Variants in INTU observed in about 807,000 individuals in gnomAD.
INTU encodes protein inturned.
Under a neutral mutation model 100.5 loss-of-function variants are expected in INTU, and 68 were observed. That is an observed-to-expected ratio of 0.68 (90% confidence interval 0.56 to 0.83). The LOEUF (loss-of-function observed/expected upper bound fraction) is 0.83, where lower values mean the gene tolerates loss of function less well. INTU is among the 40% of genes least tolerant of loss of function. The pLI, the probability that INTU is intolerant of heterozygous loss-of-function variation, is 0.00. For missense variants in INTU, 1,071 were observed against 1,114.7 expected (o/e 0.96, Z 0.56); for synonymous variants, 357 against 395.7 (o/e 0.90, Z 1.16).
chr4:127,655,016 G>T (rs952461410), intron 2 of INTU, among the ~76,000 whole-genome samples: 3 of 151,246 alleles, frequency 2.0e-5, no homozygotes, highest in Admixed American at 1.3e-4. Flanking sequence ...TGATTGCATC[G>T]GCTCCTGAGG....
intron 9 of INTU, among the ~76,000 whole-genome samples, chr4:127,702,042 A>T (rs1310539215): frequency 6.6e-6 from 1 of 152,214 alleles, no homozygotes; most frequent in East Asian, 1.9e-4. Context: ...GATCTAAAGT[A>T]TTAAAATATC....
intron 3 of INTU, among the ~76,000 whole-genome samples, chr4:127,659,648 G>A (rs779358563): frequency 2.4e-4 from 37 of 152,250 alleles, no homozygotes; most frequent in African/African-American, 8.2e-4. Context: ...GTAGTACATC[G>A]TCTCTTCCCG....
chr4:127,641,413 A>G (rs1357570362), intron 1 of INTU, among the ~76,000 whole-genome samples: 2 of 152,126 alleles, frequency 1.3e-5, no homozygotes, highest in Non-Finnish European at 2.9e-5. Context: ...TTGTCCGTCT[A>G]GGCCATGGGG....
At chr4:127,661,340 T>C (rs992240933) in intron 3 of INTU, among the ~76,000 whole-genome samples, 2 of 152,218 alleles carry the variant, frequency 1.3e-5, no homozygotes, top group African/African-American at 4.8e-5. Flanking sequence ...AGTCTATTTT[T>C]GGTAGACTTA....
At chr4:127,701,472 A>G (rs1422967798) in intron 9 of INTU, among the ~76,000 whole-genome samples, 3 of 152,188 alleles carry the variant, frequency 2.0e-5, no homozygotes, top group African/African-American at 7.2e-5. Flanking sequence ...CATTCAAGGA[A>G]AGTAAACACT....
chr4:127,687,987 A>G, intron 8 of INTU, 120 bp downstream of exon 8: 1 of 654,162 alleles, frequency 1.5e-6, no homozygotes, highest in East Asian at 3.1e-5. Flanking sequence ...TTAAAGAGGC[A>G]ATTGGTTGAC....
chr4:127,679,113 G>A (rs1729383166), intron 6 of INTU, among the ~76,000 whole-genome samples: 1 of 151,662 alleles, frequency 6.6e-6, no homozygotes, highest in Non-Finnish European at 1.5e-5. Flanking sequence ...CAAGTCCTGA[G>A]TGACCTACAA....
intron 2 of INTU, among the ~76,000 whole-genome samples, chr4:127,655,738 T>C (rs1441967760): frequency 6.6e-6 from 1 of 152,196 alleles, no homozygotes; most frequent in Non-Finnish European, 1.5e-5. Flanking sequence ...CCTTGAGCTG[T>C]GGTGGGCTCC....
chr4:127,650,941 T>A (rs549043374), intron 2 of INTU, among the ~76,000 whole-genome samples: 76 of 152,318 alleles, frequency 5.0e-4, no homozygotes, highest in South Asian at 2.9e-3. Flanking sequence ...TATCTCATTG[T>A]GGTTTTGATT....
chr4:127,655,065 T>C (rs1281620812), intron 2 of INTU, among the ~76,000 whole-genome samples: 3 of 152,230 alleles, frequency 2.0e-5, no homozygotes, highest in Admixed American at 6.5e-5. Flanking sequence ...CCTTGGTTTT[T>C]AGCTCCATCA....
intron 4 of INTU, among the ~76,000 whole-genome samples, chr4:127,664,910 G>A (rs1042953934): frequency 4.9e-4 from 74 of 151,630 alleles, no homozygotes; most frequent in African/African-American, 1.5e-3. Context: ...TGCTTTTTCT[G>A]TGATATTTTT....
At chr4:127,695,462 C>T (rs547396808) in intron 8 of INTU, among the ~76,000 whole-genome samples, 29 of 152,018 alleles carry the variant, frequency 1.9e-4, no homozygotes, top group Non-Finnish European at 4.0e-4. Context: ...CAAAATTAAG[C>T]CGGGTGTGGT....
At chr4:127,713,025 C>G (rs1731148228) in intron 14 of INTU, among the ~76,000 whole-genome samples, 2 of 152,172 alleles carry the variant, frequency 1.3e-5, no homozygotes, top group South Asian at 4.1e-4. Context: ...AAGAAGAGAT[C>G]ACAAAGGTAG....
chr4:127,663,290 G>A, intron 3 of INTU, 91 bp from the exon 4 acceptor site: 1 of 828,862 alleles, frequency 1.2e-6, no homozygotes, highest in Non-Finnish European at 2.0e-6. Flanking sequence ...GTACATACCT[G>A]GGTGTATGTA....
chr4:127,681,211 A>C (rs1024170018), intron 6 of INTU, among the ~76,000 whole-genome samples: 49 of 152,322 alleles, frequency 3.2e-4, no homozygotes, highest in East Asian at 1.3e-3. Flanking sequence ...CCATCCCCAT[A>C]AAGCTACCAA....
chr4:127,648,659 C>G (rs1487333978), intron 2 of INTU, among the ~76,000 whole-genome samples: 1 of 152,160 alleles, frequency 6.6e-6, no homozygotes, highest in Non-Finnish European at 1.5e-5. Context: ...GACAACAGAA[C>G]TAATCATTAG....
chr4:127,650,153 T>A (rs1727776047), intron 2 of INTU, among the ~76,000 whole-genome samples: 1 of 152,218 alleles, frequency 6.6e-6, no homozygotes. Flanking sequence ...TATAGCATAT[T>A]GTGTTATGAT....
intron 1 of INTU, among the ~76,000 whole-genome samples, chr4:127,637,308 C>T (rs1339751221): frequency 2.0e-5 from 3 of 152,220 alleles, no homozygotes; most frequent in Non-Finnish European, 4.4e-5. Context: ...TTCTACTCTA[C>T]TCAAAAGTTT....
intron 9 of INTU, among the ~76,000 whole-genome samples, chr4:127,702,802 T>TA (rs1372215684): frequency 6.6e-5 from 10 of 152,144 alleles, no homozygotes; most frequent in Admixed American, 6.6e-4. Context: ...CCCCTCTCCA[T>TA]ACCCCCAACC....
Sources: gnomAD v4.1 joint callset for allele counts (sites outside exome capture counted in the v4.1 genomes callset) on GRCh38, gnomAD v4.1.1 for gene constraint, MANE v1.5 for transcripts, NCBI Gene and HGNC (gene_info 2026-07-23, HGNC 2026-07-21) for gene names.